ADD3: variants seen among roughly 807,000 people sequenced by gnomAD.
ADD3 encodes gamma-adducin.
ADD3 carries 25 observed loss-of-function variants against 80.2 expected under a neutral mutation model. That is an observed-to-expected ratio of 0.31 (90% CI 0.23 to 0.44). The LOEUF (loss-of-function observed/expected upper bound fraction) is 0.44, where lower values mean the gene tolerates loss of function less well. Among genes scored for constraint, ADD3 ranks in the 20% least tolerant of loss-of-function variants. The pLI is 1.00. For missense variants in ADD3, 829 were observed against 847.5 expected, an observed-to-expected ratio of 0.98 and a Z score of 0.27; for synonymous variants, 284 against 289.6, an observed-to-expected ratio of 0.98 and a Z score of 0.20.
chr10:110,116,794 T>A (rs913601539), intron 4 of ADD3, among the ~76,000 whole-genome samples: 2 of 152,354 alleles, frequency 1.3e-5, no homozygotes, highest in South Asian at 2.1e-4. Flanking sequence ...ATTTTTAAAA[T>A]ATATTCTTTC....
At chr10:110,034,448 AT>A (rs1004935995) in intron 1 of ADD3, among the ~76,000 whole-genome samples, 6 of 151,462 alleles carry the variant, frequency 4.0e-5, no homozygotes, top group African/African-American at 1.2e-4. Context: ...TTAAAATTAT[AT>A]TTTTTCATTA....
chr10:110,025,049 A>G (rs1404841213), intron 1 of ADD3, among the ~76,000 whole-genome samples: 3 of 151,310 alleles, frequency 2.0e-5, no homozygotes, highest in African/African-American at 7.3e-5. Context: ...GTGCGCCACC[A>G]TGCCTGGCTA....
intron 1 of ADD3, among the ~76,000 whole-genome samples, chr10:110,086,471 CATATT>C: frequency 6.6e-6 from 1 of 152,240 alleles, no homozygotes; most frequent in East Asian, 1.9e-4. Context: ...ACGCAAATCT[CATATT>C]AAATTGTGAT....
chr10:110,067,579 G>T lies in ADD3; in HGVS notation c.-29-33046G>T, dbSNP rs367580307. On this transcript the variant is annotated intron_variant, in intron 1 of 14. Transcript: ENST00000356080. ...TCTTGGATTAAGTTTTAAGAATCCA[G>T]TCATTGAGAATTATTTCTATAAGCT... Among the ~76,000 whole-genome samples the T allele has an allele frequency of 3.3e-5, 5 of 152,196 alleles. No individual in the cohort carries two copies. In the East Asian group the frequency reaches 5.8e-4, roughly 18 times the overall value.
Position 110,133,640 on chromosome 10 carries a change from T to A in ADD3, c.*22T>A. 1 of 1,499,792 alleles carries A rather than the reference T, an allele frequency of 6.7e-7. No individual in the cohort carries two copies. The highest frequency in any genetic ancestry group is 9.0e-7 in the Non-Finnish European group (1 of 1,116,120). The allele number at this position is 1,499,792 out of a possible 1,614,324, so 92.9% of individuals were successfully genotyped here. On this transcript the variant is annotated 3_prime_UTR_variant, in exon 15 of 15. Transcript: ENST00000356080. The stretch of plus-strand genomic sequence containing the variant: ...CTAAATAAAGTCTTTTTATAATTAT[T>A]ATTATAACAATGTGACATTGCACAT...
chr10:110,113,991 C>T (rs1179163137), intron 3 of ADD3, among the ~76,000 whole-genome samples: 2 of 152,116 alleles, frequency 1.3e-5, no homozygotes, highest in African/African-American at 4.8e-5. Flanking sequence ...AAGAGAAAAC[C>T]TCAAAAGCTC....
intron 1 of ADD3, among the ~76,000 whole-genome samples, chr10:110,070,186 G>A (rs1379751575): frequency 5.9e-5 from 9 of 151,962 alleles, no homozygotes; most frequent in Middle Eastern, 3.2e-3. Flanking sequence ...TATATCTGTA[G>A]TATATCTGTA....
chr10:110,044,312 C>A (rs987099209), intron 1 of ADD3, among the ~76,000 whole-genome samples: 3 of 152,140 alleles, frequency 2.0e-5, no homozygotes, highest in Admixed American at 2.0e-4. Context: ...GAGAATTTGT[C>A]GCTTTATATT....
At chr10:110,069,227 G>A (rs781250291) in intron 1 of ADD3, among the ~76,000 whole-genome samples, 8 of 152,084 alleles carry the variant, frequency 5.3e-5, no homozygotes, top group Non-Finnish European at 1.0e-4. Flanking sequence ...CTCTCAGGTT[G>A]TCATGATTGT....
intron 1 of ADD3, among the ~76,000 whole-genome samples, chr10:110,085,416 A>AG (rs1167053391): frequency 6.6e-6 from 1 of 152,010 alleles, no homozygotes; most frequent in African/African-American, 2.4e-5. Context: ...AACAGTCAGG[A>AG]GCAGATTCCC....
At chr10:110,028,222 C>G (rs981213257) in intron 1 of ADD3, among the ~76,000 whole-genome samples, 1 of 152,152 alleles carries the variant, frequency 6.6e-6, no homozygotes, top group Non-Finnish European at 1.5e-5. Context: ...CCCCCATCTC[C>G]CCTTATGAGA....
chr10:110,133,720 G>A lies in ADD3; in HGVS notation c.*102G>A. On this transcript the variant is annotated 3_prime_UTR_variant, in exon 15 of 15. Coordinates refer to ENST00000356080, the MANE Select transcript of ADD3 (RefSeq NM_016824.5). ...TATGCAATGGTAGATCAGATTGGGG[G>A]ATGTAGCAAACTGGACTTTAAGAAC... 4.0e-6 allele frequency: 4 copies of A among 996,620 alleles called. No homozygotes were observed. Among genetic ancestry groups the A allele is most frequent in the Non-Finnish European group, 1.4e-6 (1 of 728,162 alleles). The allele number at this position is 996,620 out of a possible 1,614,324, so 61.7% of individuals were successfully genotyped here.
chr10:110,103,948 T>C lies in ADD3; in HGVS notation c.195+3100T>C, dbSNP rs147289800. ...TTCCTTCCACATGCAAAATACACTCTTCTTCTCCTAGCACCTCCTAAAAAG... is the reference window on the plus strand; with the variant it reads ...TTCCTTCCACATGCAAAATACACTCCTCTTCTCCTAGCACCTCCTAAAAAG... On this transcript the variant is annotated intron_variant, in intron 2 of 14. Coordinates refer to ENST00000356080, the MANE Select transcript of ADD3 (RefSeq NM_016824.5). Among the ~76,000 whole-genome samples the C allele has an allele frequency of 2.8e-3, 421 of 152,262 alleles. 3 individuals are homozygous for C. Among genetic ancestry groups the C allele is most frequent in the African/African-American group, 9.6e-3 (399 of 41,554 alleles).
At chr10:110,053,815 A>G (rs920889898) in intron 1 of ADD3, among the ~76,000 whole-genome samples, 4 of 152,196 alleles carry the variant, frequency 2.6e-5, no homozygotes, top group African/African-American at 9.7e-5. Context: ...CTTTTATGGA[A>G]GGCAATTTGT....
intron 1 of ADD3, among the ~76,000 whole-genome samples, chr10:110,036,375 C>CTTTTT (rs551028000): frequency 8.0e-4 from 94 of 116,792 alleles, no homozygotes; most frequent in East Asian, 1.6e-3. Context: ...TAGAAAGTGT[C>CTTTTT]TTTTTTTTTT....
chr10:110,004,501 G>A (rs1349337887), upstream of ADD3, among the ~76,000 whole-genome samples: 3 of 152,008 alleles, frequency 2.0e-5, no homozygotes, highest in African/African-American at 7.2e-5. Flanking sequence ...AGTAGAGACA[G>A]GGTTTCACCA....
intron 1 of ADD3, among the ~76,000 whole-genome samples, chr10:109,998,389 T>G (rs1054925752): frequency 6.6e-6 from 1 of 152,134 alleles, no homozygotes; most frequent in Admixed American, 6.5e-5. Context: ...GATCTTTCAC[T>G]TCTCTTCTCC....
chr10:110,115,050 G>A (rs535494133), intron 3 of ADD3, among the ~76,000 whole-genome samples: 1 of 144,794 alleles, frequency 6.9e-6, no homozygotes, highest in African/African-American at 2.6e-5. Context: ...CTGCATTGCA[G>A]CCTGGGTGAC....
chr10:110,089,462 G>T (rs1847203630), intron 1 of ADD3, among the ~76,000 whole-genome samples: 1 of 151,998 alleles, frequency 6.6e-6, no homozygotes, highest in Non-Finnish European at 1.5e-5. Context: ...TAAGGAAGGG[G>T]TTGGGATGTG....
Sources: gnomAD v4.1 joint callset for allele counts (sites outside exome capture counted in the v4.1 genomes callset) on GRCh38, gnomAD v4.1.1 for gene constraint, MANE v1.5 for transcripts, NCBI Gene and HGNC (gene_info 2026-07-23, HGNC 2026-07-21) for gene names.